The following KIAA0513 variants were observed in gnomAD, a reference collection of about 807,000 sequenced individuals.
The protein encoded by KIAA0513 is KIAA0513.
Under a neutral mutation model 56.5 loss-of-function variants are expected in KIAA0513, and 39 were observed. The ratio of observed to expected loss-of-function variants is 0.69; its 90% CI spans 0.53 to 0.90. The LOEUF (loss-of-function observed/expected upper bound fraction) is 0.90, where lower values mean the gene tolerates loss of function less well. Among genes scored for constraint, KIAA0513 ranks in the 40% least tolerant of loss-of-function variants. The probability of loss-of-function intolerance (pLI) is 0.00; values close to 1 mark genes in which losing one functional copy is unlikely to be tolerated. For missense variants in KIAA0513, 591 were observed against 535.2 expected, an observed-to-expected ratio of 1.10 and a Z score of -1.03; for synonymous variants, 268 against 215.6, an observed-to-expected ratio of 1.24 and a Z score of -2.13.
intron 2 of KIAA0513, among the ~76,000 whole-genome samples, chr16:85,067,673 G>A (rs1162570669): frequency 1.3e-5 from 2 of 152,332 alleles, no homozygotes; most frequent in East Asian, 1.9e-4. Flanking sequence ...CAAAGTATGT[G>A]CGGCTCCCAG....
intron 10 of KIAA0513, among the ~76,000 whole-genome samples, chr16:85,083,417 T>G (rs1011347407): frequency 2.6e-5 from 4 of 152,222 alleles, no homozygotes; most frequent in Admixed American, 6.5e-5. Context: ...GTGTTTCTTA[T>G]GCAGACTTAC....
chr16:85,080,164 TTCCCA>T (rs57863275), intron 8 of KIAA0513, among the ~76,000 whole-genome samples: 40,672 of 151,888 alleles, frequency 0.27, 5,593 homozygotes, highest in South Asian at 0.33. Context: ...CTGGACCCGG[TTCCCA>T]TGGAAGCAGA....
chr16:85,074,864 C>G (rs1314761452), intron 4 of KIAA0513, among the ~76,000 whole-genome samples: 1 of 152,058 alleles, frequency 6.6e-6, no homozygotes, highest in Non-Finnish European at 1.5e-5. Flanking sequence ...TCTCCATTTT[C>G]TTTCTTTCTT....
intron 1 of KIAA0513, among the ~76,000 whole-genome samples, chr16:85,052,172 T>C (rs1438158296): frequency 6.6e-6 from 1 of 151,992 alleles, no homozygotes; most frequent in East Asian, 1.9e-4. Flanking sequence ...ATACAAAAAT[T>C]AGCCGGGCAT....
chr16:85,087,455 C>G (rs1335961469), intron 12 of KIAA0513, among the ~76,000 whole-genome samples: 1 of 152,220 alleles, frequency 6.6e-6, no homozygotes. Context: ...GGACGCGGCA[C>G]TGGGACTCAG....
At chr16:85,053,212 C>T (rs974079216) in intron 1 of KIAA0513, among the ~76,000 whole-genome samples, 2 of 152,128 alleles carry the variant, frequency 1.3e-5, no homozygotes, top group Non-Finnish European at 2.9e-5. Context: ...TAGATAACCT[C>T]GCTAGTCATT....
intron 1 of KIAA0513, among the ~76,000 whole-genome samples, chr16:85,032,127 G>A (rs908723146): frequency 6.6e-6 from 1 of 152,194 alleles, no homozygotes; most frequent in Non-Finnish European, 1.5e-5. Flanking sequence ...GGGAGACTCT[G>A]TGCCTCACTC....
intron 1 of KIAA0513, among the ~76,000 whole-genome samples, chr16:85,053,434 C>G (rs1002562171): frequency 5.9e-5 from 9 of 152,182 alleles, no homozygotes; most frequent in Middle Eastern, 3.2e-3. Flanking sequence ...TTCCCACATT[C>G]TCTATCAACA....
Position 85,081,677 on chromosome 16 carries a change from G to A in KIAA0513, c.980+285G>A, listed in dbSNP as rs1178557406. ...CACTAAGACCATCAGGACCCCTGCTGCTGGGCCCACCCTGCTGTTTGCTGG... is the reference window on the plus strand; with the variant it reads ...CACTAAGACCATCAGGACCCCTGCTACTGGGCCCACCCTGCTGTTTGCTGG... On this transcript the variant is annotated intron_variant, in intron 9 of 12. Transcript: ENST00000683363. The surrounding 1 kb of genome is among the most constrained non-coding windows in gnomAD (Gnocchi z 4.4). 1.3e-5 allele frequency among the ~76,000 whole-genome samples: 2 copies of A among 152,186 alleles called. No homozygotes were observed. Among genetic ancestry groups the A allele is most frequent in the East Asian group, 1.9e-4 (1 of 5,190 alleles).
intron 1 of KIAA0513, among the ~76,000 whole-genome samples, chr16:85,028,954 C>T (rs1310684268): frequency 6.6e-6 from 1 of 152,320 alleles, no homozygotes; most frequent in South Asian, 2.1e-4. Flanking sequence ...ATCCTCCTCC[C>T]TCAGCCTAAA....
chr16:85,048,528 C>T (rs1049571985), intron 1 of KIAA0513, among the ~76,000 whole-genome samples: 3 of 123,914 alleles, frequency 2.4e-5, no homozygotes, highest in African/African-American at 1.2e-4. Flanking sequence ...ACCCTCTCCC[C>T]CCTTTTTTTC....
intron 1 of KIAA0513, among the ~76,000 whole-genome samples, chr16:85,054,421 C>CTTTTTTTTTTTTTTTTTTTTTTTTTT: frequency 8.4e-6 from 1 of 119,552 alleles, no homozygotes; most frequent in Non-Finnish European, 1.7e-5. Flanking sequence ...TTTTTCTTTT[C>CTTTTTTTTTTTTTTTTTTTTTTTTTT]TTTTTTTTTT....
intron 10 of KIAA0513, among the ~76,000 whole-genome samples, chr16:85,083,901 T>C (rs553124902): frequency 1.8e-4 from 28 of 152,278 alleles, no homozygotes; most frequent in African/African-American, 6.5e-4. Flanking sequence ...TATCATCCTC[T>C]CTGTGTACAG....
At chr16:85,087,205 G>T (rs749144402) in intron 12 of KIAA0513, 39 bp downstream of exon 12, 13 of 1,543,728 alleles carry the variant, frequency 8.4e-6, no homozygotes, top group Non-Finnish European at 1.2e-5. Context: ...GGCGGGCAGG[G>T]CTGGGGTCAG....
chr16:85,028,377 G>A (rs774007146), intron 1 of KIAA0513, among the ~76,000 whole-genome samples: 1 of 152,164 alleles, frequency 6.6e-6, no homozygotes, highest in African/African-American at 2.4e-5. Flanking sequence ...CGCTCCCGGG[G>A]CTTAGCAGGG....
At chr16:85,069,809 C>G (rs2073545370) in intron 2 of KIAA0513, among the ~76,000 whole-genome samples, 1 of 152,138 alleles carries the variant, frequency 6.6e-6, no homozygotes, top group Non-Finnish European at 1.5e-5. Flanking sequence ...GTAGACAGTT[C>G]TTACACGTCA....
At chr16:85,082,203 C>T (rs567433288) in intron 9 of KIAA0513, among the ~76,000 whole-genome samples, 1 of 152,170 alleles carries the variant, frequency 6.6e-6, no homozygotes, top group Non-Finnish European at 1.5e-5. Context: ...CTTCTGGAGG[C>T]AGCTAAAACC....
At chr16:85,046,690 C>T (rs62048457) in intron 1 of KIAA0513, among the ~76,000 whole-genome samples, 1 of 152,116 alleles carries the variant, frequency 6.6e-6, no homozygotes, top group African/African-American at 2.4e-5. Context: ...GTGTTCACTG[C>T]CTCTTTCCTT....
rs1049106595 is a variant in KIAA0513, at chr16:85,082,557, G to A, written c.981-7G>A. On this transcript the variant is annotated splice_polypyrimidine_tract_variant and splice_region_variant and intron_variant, in intron 9 of 12. Transcript: ENST00000683363. ...CCTTTGTTTACCTGTTTCTGCTGCC[G>A]CTCCAGAGGGGATGCTGGAGAGGAG... 10 of 1,613,826 alleles carry A rather than the reference G, an allele frequency of 6.2e-6. No individual in the cohort carries two copies. Among genetic ancestry groups the A allele is most frequent in the African/African-American group, 4.0e-5 (3 of 75,046 alleles).
Sources: allele counts gnomAD v4.1 joint callset (sites outside exome capture counted in the v4.1 genomes callset), GRCh38; gene constraint gnomAD v4.1.1; non-coding constraint Gnocchi (gnomAD v3.1); transcripts MANE v1.5; gene names NCBI Gene and HGNC (gene_info 2026-07-23, HGNC 2026-07-21).